GPR139: variants seen among roughly 807,000 people sequenced by gnomAD.
The protein encoded by GPR139 is probable G protein-coupled receptor 139.
Under a neutral mutation model 25.8 loss-of-function variants are expected in GPR139, and 12 were observed. That is an observed-to-expected ratio of 0.47 (90% CI 0.30 to 0.75). The LOEUF (loss-of-function observed/expected upper bound fraction) is 0.75, where lower values mean the gene tolerates loss of function less well. Among genes scored for constraint, GPR139 ranks in the 30% least tolerant of loss-of-function variants. The probability of loss-of-function intolerance (pLI) is 0.07; values close to 1 mark genes in which losing one functional copy is unlikely to be tolerated. For missense variants in GPR139, 380 were observed against 450.2 expected, an observed-to-expected ratio of 0.84 and a Z score of 1.41; for synonymous variants, 184 against 179.9, an observed-to-expected ratio of 1.02 and a Z score of -0.18.
chr16:20,072,281 G>T (rs1183051037), intron 1 of GPR139, among the ~76,000 whole-genome samples: 1 of 152,130 alleles, frequency 6.6e-6, no homozygotes, highest in African/African-American at 2.4e-5. Context: ...TTTGGGAGGG[G>T]GGATTTATTG....
chr16:20,040,416 A>G (rs78391832), intron 1 of GPR139, among the ~76,000 whole-genome samples: 2 of 152,330 alleles, frequency 1.3e-5, no homozygotes, highest in East Asian at 3.9e-4. Flanking sequence ...TTATCCCCAC[A>G]AAACGAGATT....
In GPR139 at chr16:20,073,702, G is replaced by A. The variant is rs1047443431; in HGVS notation, c.-86C>T. On this transcript the variant is annotated 5_prime_UTR_variant, in exon 1 of 2. Coordinates refer to ENST00000570682, the MANE Select transcript of GPR139 (RefSeq NM_001002911.4). This position sits in a 1 kb window ranked among gnomAD's most constrained non-coding sequence, Gnocchi z 4.7. The stretch of plus-strand genomic sequence containing the variant: ...CCGGCTCGGTGGTGGCGGCGGCGGA[G>A]GCAGCGGCAGCTGGAGCAGCAGCGC... 2 of 1,452,038 alleles carry A rather than the reference G, an allele frequency of 1.4e-6. No homozygotes were observed. The highest frequency in any genetic ancestry group is 9.1e-7 in the Non-Finnish European group (1 of 1,099,054). 89.9% of individuals were successfully genotyped at this position (1,452,038 alleles called of 1,614,324 possible).
intron 1 of GPR139, among the ~76,000 whole-genome samples, chr16:20,055,334 C>A (rs1272723806): frequency 1.3e-5 from 2 of 152,150 alleles, no homozygotes; most frequent in South Asian, 2.1e-4. Context: ...ATGCCCATAA[C>A]CAAGGCAGGC....
At chr16:20,068,916 G>A (rs2057447979) in intron 1 of GPR139, among the ~76,000 whole-genome samples, 1 of 151,200 alleles carries the variant, frequency 6.6e-6, no homozygotes. Flanking sequence ...AATATGATGA[G>A]TTATACTGAG....
At chr16:20,041,127 A>C (rs976433109) in intron 1 of GPR139, among the ~76,000 whole-genome samples, 3 of 6,162 alleles carry the variant, frequency 4.9e-4, no homozygotes, top group South Asian at 4.5e-3. Flanking sequence ...AAAGGAAAGG[A>C]AAGGAGAGGA....
At chr16:20,055,977 A>G (rs956356194) in intron 1 of GPR139, among the ~76,000 whole-genome samples, 2 of 152,246 alleles carry the variant, frequency 1.3e-5, no homozygotes, top group African/African-American at 2.4e-5. Flanking sequence ...AGTATCTAAC[A>G]TGTAGTAGGA....
chr16:20,054,326 T>TC (rs2057381944), intron 1 of GPR139, among the ~76,000 whole-genome samples: 1 of 152,110 alleles, frequency 6.6e-6, no homozygotes, highest in African/African-American at 2.4e-5. Context: ...TAGTAAAGAA[T>TC]CCAAACCTGC....
chr16:20,052,107 A>G (rs2057374298), intron 1 of GPR139, among the ~76,000 whole-genome samples: 1 of 152,080 alleles, frequency 6.6e-6, no homozygotes, highest in African/African-American at 2.4e-5. Context: ...AGCTCCCTAA[A>G]CAAACCACAC....
At position 20,028,755 on chromosome 16, in the gene GPR139, G is replaced by A. The variant is rs1296504629; in HGVS notation, c.*2980C>T. Reference sequence around the variant, plus strand: ...TTCAATAAAAAGACACAGCATGGTGGTGCGTATCATCATTGCAATGTCCAA... The same window carrying A: ...TTCAATAAAAAGACACAGCATGGTGATGCGTATCATCATTGCAATGTCCAA... On this transcript the variant is annotated 3_prime_UTR_variant, in exon 2 of 2. Transcript: ENST00000570682. 6.6e-6 allele frequency among the ~76,000 whole-genome samples: 1 copy of A among 152,130 alleles called. No individual in the cohort carries two copies. Among genetic ancestry groups the A allele is most frequent in the East Asian group, 1.9e-4 (1 of 5,200 alleles).
At position 20,032,626 on chromosome 16, in the gene GPR139, T is replaced by G. The variant is rs756136132; in HGVS notation, c.171A>C (p.Arg57Ser). ...TVIILSQLVA[R>S]RQKSSYNYLL... ...GATAGTTGTAGGAGGACTTCTGTCT[T>G]CTTGCCACCAGCTGGGAGAGGATGA... Residue 57 changes from arginine (R) to serine (S), a missense_variant, in exon 2 of 2, where the codon AGA (arginine) becomes AGC (serine). By Grantham distance (110) the Arg-to-Ser change is moderately radical (BLOSUM62 -1). Transcript: ENST00000570682. 19 of 1,610,744 alleles carry G rather than the reference T, an allele frequency of 1.2e-5. No individual in the cohort carries two copies. In the East Asian group the frequency reaches 4.0e-4, roughly 34 times the overall value.
chr16:20,073,683 C>A lies in GPR139; in HGVS notation c.-67G>T. 6.8e-7 allele frequency: 1 copy of A among 1,478,116 alleles called. No homozygotes were observed. The highest frequency in any genetic ancestry group is 9.0e-7 in the Non-Finnish European group (1 of 1,117,218). The allele number at this position is 1,478,116 out of a possible 1,614,324, so 91.6% of individuals were successfully genotyped here. On this transcript the variant is annotated 5_prime_UTR_variant, in exon 1 of 2. Coordinates refer to ENST00000570682, the MANE Select transcript of GPR139 (RefSeq NM_001002911.4). The surrounding 1 kb of genome is among the most constrained non-coding windows in gnomAD (Gnocchi z 4.7). ...GCCAGCCCGACTCTGGTCGCCGGCTCGGTGGTGGCGGCGGCGGAGGCAGCG... is the reference window on the plus strand; with the variant it reads ...GCCAGCCCGACTCTGGTCGCCGGCTAGGTGGTGGCGGCGGCGGAGGCAGCG...
At position 20,029,308 on chromosome 16, in the gene GPR139, T is replaced by A. The variant is rs2057278598; in HGVS notation, c.*2427A>T. 6.6e-6 allele frequency among the ~76,000 whole-genome samples: 1 copy of A among 152,058 alleles called. No homozygotes were observed. Among genetic ancestry groups the A allele is most frequent in the African/African-American group, 2.4e-5 (1 of 41,400 alleles). ...TTTTTAAACATCAACAATTAATTGTTACACACAATTAAAAATATGGAGCAG... is the reference window on the plus strand; with the variant it reads ...TTTTTAAACATCAACAATTAATTGTAACACACAATTAAAAATATGGAGCAG... On this transcript the variant is annotated 3_prime_UTR_variant, in exon 2 of 2. Transcript: ENST00000570682.
intron 1 of GPR139, among the ~76,000 whole-genome samples, chr16:20,066,122 C>T (rs1000848688): frequency 1.3e-5 from 2 of 152,208 alleles, no homozygotes; most frequent in Admixed American, 1.3e-4. Context: ...AAAAACTAGA[C>T]TACTTTGTTC....
intron 1 of GPR139, among the ~76,000 whole-genome samples, chr16:20,039,449 A>C (rs149059348): frequency 1.3e-5 from 2 of 152,186 alleles, no homozygotes; most frequent in Non-Finnish European, 2.9e-5. Flanking sequence ...TGTTTTTTCA[A>C]TTACAAAAGT....
At position 20,073,371 on chromosome 16, in the gene GPR139, A is replaced by G. The variant is rs997101902; in HGVS notation, c.127+119T>C. ...TGGAAATATCCATAGTTGCCCTTAA[A>G]GCTTAAACTTTTTCCGAGGGGGCGC... is the stretch of plus-strand genomic sequence containing the variant. On this transcript the variant is annotated intron_variant, in intron 1 of 1. Transcript: ENST00000570682. The surrounding 1 kb of genome is among the most constrained non-coding windows in gnomAD (Gnocchi z 4.7). 6.9e-7 allele frequency: 1 copy of G among 1,439,532 alleles called. No homozygotes were observed. 89.2% of individuals were successfully genotyped at this position (1,439,532 alleles called of 1,614,324 possible). A position where few individuals can be genotyped will look rare whatever the true frequency, so the allele number is the denominator to read the frequency against.
intron 1 of GPR139, among the ~76,000 whole-genome samples, chr16:20,067,098 C>T (rs1029495766): frequency 6.6e-6 from 1 of 152,220 alleles, no homozygotes; most frequent in Non-Finnish European, 1.5e-5. Flanking sequence ...AAATCCACAT[C>T]CAGTTCCAAA....
chr16:20,068,969 C>T (rs1414031617), intron 1 of GPR139, among the ~76,000 whole-genome samples: 1 of 151,698 alleles, frequency 6.6e-6, no homozygotes, highest in East Asian at 1.9e-4. Context: ...CTGGGATAAA[C>T]TCAAGTTGAT....
At chr16:20,062,324 C>G (rs548956624) in intron 1 of GPR139, among the ~76,000 whole-genome samples, 2 of 152,158 alleles carry the variant, frequency 1.3e-5, no homozygotes, top group East Asian at 3.8e-4. Flanking sequence ...AAAAGGGACT[C>G]CAGAGGGCTG....
At chr16:20,044,966 C>G (rs1468903611) in intron 1 of GPR139, among the ~76,000 whole-genome samples, 1 of 149,346 alleles carries the variant, frequency 6.7e-6, no homozygotes, top group South Asian at 2.1e-4. Context: ...CTGTATTTGG[C>G]TCACTTGCCA....
Sources: allele counts gnomAD v4.1 joint callset (sites outside exome capture counted in the v4.1 genomes callset), GRCh38; gene constraint gnomAD v4.1.1; non-coding constraint Gnocchi (gnomAD v3.1); transcripts MANE v1.5; gene names NCBI Gene and HGNC (gene_info 2026-07-23, HGNC 2026-07-21).